The following SLCO5A1 variants were observed in gnomAD, a reference collection of about 807,000 sequenced individuals.
SLCO5A1 encodes the protein organic anion transporter polypeptide-related protein 4.
Under a neutral mutation model 65.1 loss-of-function variants are expected in SLCO5A1, and 39 were observed. The ratio of observed to expected loss-of-function variants is 0.60; its 90% CI spans 0.46 to 0.78. The LOEUF (loss-of-function observed/expected upper bound fraction) is 0.78. Among genes scored for constraint, SLCO5A1 ranks in the 30% least tolerant of loss-of-function variants. The probability of loss-of-function intolerance (pLI) is 0.00; values close to 1 mark genes in which losing one functional copy is unlikely to be tolerated. For missense variants in SLCO5A1, 1,029 were observed against 1,069.4 expected (o/e 0.96, Z 0.53); for synonymous variants, 438 against 415.7 (o/e 1.05, Z -0.65).
chr8:69,773,161 C>T (rs565946080), intron 2 of SLCO5A1, among the ~76,000 whole-genome samples: 17 of 152,292 alleles, frequency 1.1e-4, no homozygotes, highest in African/African-American at 3.8e-4. Flanking sequence ...TGACCACCAT[C>T]GCCTGCACCC....
intron 2 of SLCO5A1, among the ~76,000 whole-genome samples, chr8:69,770,633 C>T (rs1276578095): frequency 1.3e-5 from 2 of 152,038 alleles, no homozygotes; most frequent in East Asian, 3.9e-4. Context: ...AAAAGGCCAC[C>T]TTCAACAGGG....
At chr8:69,801,029 C>A (rs1051531430) in intron 2 of SLCO5A1, among the ~76,000 whole-genome samples, 2 of 152,096 alleles carry the variant, frequency 1.3e-5, no homozygotes, top group Non-Finnish European at 2.9e-5. Flanking sequence ...TTTCTTTAAA[C>A]AATCCCAAAC....
At chr8:69,792,052 G>A (rs1293778038) in intron 2 of SLCO5A1, among the ~76,000 whole-genome samples, 4 of 152,236 alleles carry the variant, frequency 2.6e-5, no homozygotes, top group Admixed American at 2.0e-4. Flanking sequence ...CAATATCCTA[G>A]CTATTACCCA....
chr8:69,668,732 AT>A lies in SLCO5A1; in HGVS notation c.*4136del, dbSNP rs1432602244. On this transcript the variant is annotated 3_prime_UTR_variant, in exon 10 of 10. Transcript: ENST00000260126. ...AGCTGGAATTGTGGACTGAAGAAGAATTTTCTTGGTGGTTGGTGAACATGGA... is the reference window on the plus strand; with the variant it reads ...AGCTGGAATTGTGGACTGAAGAAGAATTTCTTGGTGGTTGGTGAACATGGA... 1 of 152,092 alleles carries A rather than the reference AT, an allele frequency of 6.6e-6. No individual in the cohort carries two copies. Among genetic ancestry groups the A allele is most frequent in the African/African-American group, 2.4e-5 (1 of 41,420 alleles). The allele number at this position is 152,092 out of a possible 1,614,324, so 9.4% of individuals were successfully genotyped here.
At chr8:69,767,150 T>C (rs1328591790) in intron 2 of SLCO5A1, among the ~76,000 whole-genome samples, 6 of 152,236 alleles carry the variant, frequency 3.9e-5, no homozygotes, top group African/African-American at 1.2e-4. Flanking sequence ...GAACCAGTAA[T>C]ATAAACACAA....
chr8:69,771,741 G>T (rs536961089), intron 2 of SLCO5A1, among the ~76,000 whole-genome samples: 1 of 152,314 alleles, frequency 6.6e-6, no homozygotes, highest in Admixed American at 6.5e-5. Flanking sequence ...GTGGGTAAAG[G>T]ATGGTAGCCT....
At chr8:69,766,264 C>T (rs929130413) in intron 2 of SLCO5A1, among the ~76,000 whole-genome samples, 5 of 152,164 alleles carry the variant, frequency 3.3e-5, no homozygotes, top group African/African-American at 1.2e-4. Flanking sequence ...GAAACATGAG[C>T]CAGATCATGT....
At chr8:69,777,738 G>A (rs1226107381) in intron 2 of SLCO5A1, among the ~76,000 whole-genome samples, 1 of 152,154 alleles carries the variant, frequency 6.6e-6, no homozygotes, top group African/African-American at 2.4e-5. Flanking sequence ...CCAGCGTCCC[G>A]ACGCTGTTTA....
chr8:69,715,761 T>A (rs1210007019), intron 5 of SLCO5A1, among the ~76,000 whole-genome samples: 2 of 152,210 alleles, frequency 1.3e-5, no homozygotes, highest in Non-Finnish European at 2.9e-5. Flanking sequence ...AGACATTTCA[T>A]AAATATAGTC....
Position 69,802,353 on chromosome 8 carries a change from C to G in SLCO5A1, c.907+29414G>C, listed in dbSNP as rs970828725. Among the ~76,000 whole-genome samples the G allele has an allele frequency of 2.0e-5, 3 of 151,254 alleles. No homozygotes were observed. The East Asian group carries it at 5.8e-4, about 29-fold the overall frequency. ...CCTCATCTCTACAAAAATAATGAAC[C>G]GAATTAGCCAGGCGTGGTGGCGCAT... On this transcript the variant is annotated intron_variant, in intron 2 of 9. Transcript: ENST00000260126.
At chr8:69,683,164 G>A (rs1287456108) in intron 6 of SLCO5A1, among the ~76,000 whole-genome samples, 1 of 152,144 alleles carries the variant, frequency 6.6e-6, no homozygotes, top group Non-Finnish European at 1.5e-5. Context: ...AAACAGCGGT[G>A]GAAGAGCAGA....
In SLCO5A1 at chr8:69,761,759, G is replaced by A. The variant is rs755175255; in HGVS notation, c.1024C>T (p.Arg342Cys). 11 of 1,613,358 alleles carry A rather than the reference G, an allele frequency of 6.8e-6. No homozygotes were observed. The highest frequency in any genetic ancestry group is 1.3e-5 in the African/African-American group (1 of 74,902). Residue 342 changes from arginine to cysteine, a missense_variant, in exon 3 of 10, where the codon CGT becomes TGT. This residue lies in a region of SLCO5A1 where 647 missense variants were observed against 647.5 expected (regional missense o/e 1.00). Coordinates refer to ENST00000260126, the MANE Select transcript of SLCO5A1 (RefSeq NM_030958.3). ...AGAACTTACCAGTTTCCAATGAAAC[G>A]AGGGTCATTCTGGTCAAGGTGAACA... ...NPVHLDQNDP[R>C]FIGNWWSGFL...
chr8:69,827,325 T>C (rs1820967091), intron 2 of SLCO5A1, among the ~76,000 whole-genome samples: 2 of 152,026 alleles, frequency 1.3e-5, no homozygotes, highest in Admixed American at 1.3e-4. Context: ...AAAAAAAAAT[T>C]ATAGTCTAGT....
intron 7 of SLCO5A1, among the ~76,000 whole-genome samples, chr8:69,680,350 T>C (rs1302400280): frequency 6.6e-6 from 1 of 152,162 alleles, no homozygotes; most frequent in Non-Finnish European, 1.5e-5. Flanking sequence ...GAGTACCCAA[T>C]GTTTAGCTCC....
rs538327764 is a variant in SLCO5A1 at position 69,708,939 on chromosome 8, G to C, written c.1424-3710C>G. ...AAGAAGAAAACCAAGAAACCAAGGA[G>C]AGAGTTTCAAGGAGAAAATAGACAA... On this transcript the variant is annotated intron_variant, in intron 5 of 9. Transcript: ENST00000260126. Among the ~76,000 whole-genome samples, 8 of 152,276 alleles carry C rather than the reference G, an allele frequency of 5.3e-5. No individual in the cohort carries two copies. The South Asian group carries it at 1.7e-3, about 32-fold the overall frequency.
intron 5 of SLCO5A1, among the ~76,000 whole-genome samples, chr8:69,717,067 C>G (rs755696460): frequency 1.2e-4 from 18 of 152,176 alleles, no homozygotes; most frequent in Non-Finnish European, 2.4e-4. Flanking sequence ...TATGAGCCAC[C>G]ATGCCTGGCC....
intron 2 of SLCO5A1, among the ~76,000 whole-genome samples, chr8:69,778,557 T>G (rs887257116): frequency 2.6e-5 from 4 of 152,168 alleles, no homozygotes; most frequent in African/African-American, 9.7e-5. Context: ...TTTGGTGTTT[T>G]CCTTATAACT....
chr8:69,703,132 GA>G (rs988804901), intron 6 of SLCO5A1, among the ~76,000 whole-genome samples: 2 of 147,344 alleles, frequency 1.4e-5, no homozygotes, highest in African/African-American at 5.0e-5. Flanking sequence ...AAAGAAAAAA[GA>G]AAAAAAGAAA....
chr8:69,742,292 T>C (rs932281081), intron 4 of SLCO5A1, among the ~76,000 whole-genome samples: 1 of 152,174 alleles, frequency 6.6e-6, no homozygotes, highest in Non-Finnish European at 1.5e-5. Context: ...AATACTTAAT[T>C]TTTATGCTAC....
Sources: gnomAD v4.1 joint callset for allele counts (sites outside exome capture counted in the v4.1 genomes callset) on GRCh38, gnomAD v4.1.1 for gene constraint, gnomAD v4.1.1 regional missense constraint, MANE v1.5 for transcripts, NCBI Gene and HGNC (gene_info 2026-07-23, HGNC 2026-07-21) for gene names.